The following RUNX3 variants were observed in gnomAD, a reference collection of about 807,000 sequenced individuals.
RUNX3 encodes the protein RUNX family transcription factor 3, also known as runt-related transcription factor 3.
RUNX3 carries 10 observed loss-of-function variants against 27.7 expected under a neutral mutation model. The ratio of observed to expected loss-of-function variants is 0.36; its 90% CI spans 0.22 to 0.61. The LOEUF is 0.61. Ranked by LOEUF, RUNX3 falls within the 20% of genes least tolerant of loss-of-function variation. RUNX3 has a pLI of 0.72. For synonymous variants in RUNX3, 270 were observed against 269.2 expected (o/e 1.00, Z -0.03); for missense variants, 469 against 629.5 (o/e 0.75, Z 2.73).
chr1:24,921,793 G>A (rs1240407847), intron 2 of RUNX3, among the ~76,000 whole-genome samples: 1 of 152,180 alleles, frequency 6.6e-6, no homozygotes, highest in African/African-American at 2.4e-5. Flanking sequence ...AGCCCTAGGG[G>A]CCAGACTGGA....
intron 3 of RUNX3, among the ~76,000 whole-genome samples, chr1:24,917,064 G>A (rs147342245): frequency 9.6e-4 from 146 of 152,328 alleles, no homozygotes; most frequent in African/African-American, 3.2e-3. Flanking sequence ...CAGAGTGGGC[G>A]GCTCTGGGGT....
At chr1:24,964,630 CT>C in exon 2 of RUNX3, 1 of 1,567,736 alleles carries the variant, frequency 6.4e-7, no homozygotes, top group East Asian at 2.4e-5. Flanking sequence ...TTGGGATTCA[CT>C]TGGTTGGCTG....
chr1:24,949,561 G>A (rs1246816653), intron 2 of RUNX3, among the ~76,000 whole-genome samples: 2 of 152,242 alleles, frequency 1.3e-5, no homozygotes, highest in African/African-American at 4.8e-5. Context: ...TTGATTTCTA[G>A]TCCAAGTTGT....
rs1640564391 is a variant in RUNX3, at chr1:24,902,062, T to C, written c.*60A>G. The C allele has an allele frequency of 7.0e-7, 1 of 1,420,436 alleles. No individual in the cohort carries two copies. The highest frequency in any genetic ancestry group is 9.3e-7 in the Non-Finnish European group (1 of 1,074,328). The allele number at this position is 1,420,436 out of a possible 1,614,324, so 88.0% of individuals were successfully genotyped here. A position where few individuals can be genotyped will look rare whatever the true frequency, so the allele number is the denominator to read the frequency against. ...CGCCCGGAGCCTCGGAGCCGGCCCA[T>C]CACTGGTCTTGAAGGTTGTTAGGGT... On this transcript the variant is annotated 3_prime_UTR_variant, in exon 5 of 5. Coordinates refer to ENST00000308873, the MANE Select transcript of RUNX3 (RefSeq NM_004350.3). The surrounding 1 kb of genome is among the most constrained non-coding windows in gnomAD (Gnocchi z 9.2).
upstream of RUNX3, among the ~76,000 whole-genome samples, chr1:24,933,379 G>A (rs1278215422): frequency 2.0e-5 from 3 of 152,182 alleles, no homozygotes; most frequent in Non-Finnish European, 4.4e-5. Flanking sequence ...GCACATGGAG[G>A]GTGCTCCAGC....
upstream of RUNX3, chr1:24,964,985 T>G (rs563984256): frequency 1.2e-5 from 3 of 256,018 alleles, no homozygotes; most frequent in South Asian, 1.3e-4. Flanking sequence ...GTGGGCCGCC[T>G]CCAGTGCCAC....
At chr1:24,908,163 CGCGGTGATCCGAAGCTCT>C (rs1640716243) in intron 3 of RUNX3, among the ~76,000 whole-genome samples, 31 of 131,974 alleles carry the variant, frequency 2.3e-4, no homozygotes, top group African/African-American at 1.0e-3. Flanking sequence ...CTCTACGACA[CGCGGTGATCCGAAGCTCT>C]ACGACACGCG....
At position 24,929,838 on chromosome 1, in the gene RUNX3, G is replaced by T; in HGVS notation, c.31C>A (p.Arg11Ser). ...GCCGGGGAGGGAGGTGTGAAGCGGC[G>T]GCTGGTGCTTGGGTCTACGGGAATA... MRIPVDPSTSRRFTPPSPAFP... is the reference protein window; with the variant it reads MRIPVDPSTSSRFTPPSPAFP... The change falls in exon 1 of 5, where the codon CGC (arginine) becomes AGC (serine). Residue 11 changes from arginine (R) to serine (S), a missense_variant. Physicochemically the swap from Arg to Ser is moderately radical, Grantham distance 110 (BLOSUM62 -1). Coordinates refer to ENST00000308873, the MANE Select transcript of RUNX3 (RefSeq NM_004350.3). 2 of 1,397,176 alleles carry T rather than the reference G, an allele frequency of 1.4e-6. No homozygotes were observed. Among genetic ancestry groups the T allele is most frequent in the South Asian group, 1.6e-5 (1 of 62,786 alleles). 86.5% of individuals were successfully genotyped at this position (1,397,176 alleles called of 1,614,324 possible). A position where few individuals can be genotyped will look rare whatever the true frequency, so the allele number is the denominator to read the frequency against.
chr1:24,913,216 G>C (rs554367484), intron 3 of RUNX3, among the ~76,000 whole-genome samples: 1 of 152,244 alleles, frequency 6.6e-6, no homozygotes, highest in Admixed American at 6.5e-5. Context: ...GCCTGTCCTG[G>C]CTGCTGTCAG....
intron 2 of RUNX3, among the ~76,000 whole-genome samples, chr1:24,952,889 A>C (rs1476636409): frequency 6.6e-6 from 1 of 152,222 alleles, no homozygotes; most frequent in Non-Finnish European, 1.5e-5. Context: ...TGGAAAAGTA[A>C]AAATAGATCC....
upstream of RUNX3, among the ~76,000 whole-genome samples, chr1:24,934,859 T>C (rs1292124272): frequency 6.6e-6 from 1 of 151,938 alleles, no homozygotes; most frequent in African/African-American, 2.4e-5. Context: ...CTGGGTTTGG[T>C]AAATCCTGCT....
rs1402444113 is a variant in RUNX3 at position 24,919,352 on chromosome 1, G to C, written c.440-8C>G. On this transcript the variant is annotated splice_region_variant and splice_polypyrimidine_tract_variant and intron_variant, in intron 2 of 4. Coordinates refer to ENST00000308873, the MANE Select transcript of RUNX3 (RefSeq NM_004350.3). ...TCAGGGTGAAACTCTTCCCTGGGGA[G>C]AGTGGGGAATAGAGGCAGGTGGTTG... is the stretch of plus-strand genomic sequence containing the variant. 4 of 1,601,070 alleles carry C rather than the reference G, an allele frequency of 2.5e-6. No homozygotes were observed. In the African/African-American group the frequency reaches 4.0e-5, roughly 16 times the overall value.
chr1:24,913,969 T>C (rs949216800), intron 3 of RUNX3, among the ~76,000 whole-genome samples: 1 of 152,216 alleles, frequency 6.6e-6, no homozygotes, highest in Non-Finnish European at 1.5e-5. Flanking sequence ...CCAAGGGTCA[T>C]ATCCCTCTGA....
chr1:24,964,243 G>T (rs902087500), intron 2 of RUNX3, among the ~76,000 whole-genome samples: 2 of 152,218 alleles, frequency 1.3e-5, no homozygotes, highest in Non-Finnish European at 2.9e-5. Flanking sequence ...CCCCTCTGAG[G>T]GCTGCCCTTT....
At chr1:24,951,361 A>G (rs924948932) in intron 2 of RUNX3, among the ~76,000 whole-genome samples, 3 of 152,034 alleles carry the variant, frequency 2.0e-5, no homozygotes, top group Non-Finnish European at 2.9e-5. Context: ...CTGTGCCTCA[A>G]TTTCTCTAAC....
At position 24,902,458 on chromosome 1, in the gene RUNX3, G is replaced by A. The variant is rs1046597119; in HGVS notation, c.912C>T (p.His304=). 2 of 1,602,550 alleles carry A rather than the reference G, an allele frequency of 1.2e-6. No individual in the cohort carries two copies. Among genetic ancestry groups the A allele is most frequent in the Admixed American group, 3.3e-5 (2 of 59,784 alleles). The stretch of plus-strand genomic sequence containing the variant: ...GGTAGGGTGGCGGGAGGTAGGTATG[G>A]TGGAAGCGGCTGGTGGCCGGCATGC... The part of the protein sequence containing the change: ...VAGMPATSRF[H]HTYLPPPYPG... The change falls in exon 5 of 5, where the codon CAC becomes CAT. Residue 304 remains histidine, a synonymous_variant. Transcript: ENST00000308873. This position sits in a 1 kb window ranked among gnomAD's most constrained non-coding sequence, Gnocchi z 9.2.
chr1:24,940,663 G>A (rs1641454690), intron 2 of RUNX3, among the ~76,000 whole-genome samples: 1 of 152,060 alleles, frequency 6.6e-6, no homozygotes, highest in Admixed American at 6.6e-5. Context: ...GAAGGGTGAG[G>A]TGGGGGGATC....
At chr1:24,961,053 G>T (rs2124389612) in intron 2 of RUNX3, among the ~76,000 whole-genome samples, 1 of 152,178 alleles carries the variant, frequency 6.6e-6, no homozygotes, top group East Asian at 1.9e-4. Context: ...CGCCTCTACT[G>T]CAGGATGGGA....
intron 2 of RUNX3, among the ~76,000 whole-genome samples, chr1:24,936,744 C>T (rs1482519758): frequency 6.6e-6 from 1 of 152,216 alleles, no homozygotes; most frequent in Non-Finnish European, 1.5e-5. Context: ...AGGGATTTTC[C>T]ACCTCCCCAA....
Sources: allele counts gnomAD v4.1 joint callset (sites outside exome capture counted in the v4.1 genomes callset), GRCh38; gene constraint gnomAD v4.1.1; non-coding constraint Gnocchi (gnomAD v3.1); transcripts MANE v1.5; gene names NCBI Gene and HGNC (gene_info 2026-07-23, HGNC 2026-07-21).